Variants in TMEM202 observed in about 807,000 individuals in gnomAD.
TMEM202 encodes transmembrane protein 202.
TMEM202 carries 25 observed loss-of-function variants against 26.1 expected under a neutral mutation model. That is an observed-to-expected ratio of 0.96 (90% CI 0.70 to 1.34). TMEM202 has a LOEUF of 1.34. TMEM202 is among the 40% of genes most tolerant of loss of function. TMEM202 has a pLI of 0.00. For synonymous variants in TMEM202, 122 were observed against 119.0 expected (o/e 1.02, Z -0.16); for missense variants, 301 against 327.7 (o/e 0.92, Z 0.63).
At position 72,398,745 on chromosome 15, in the gene TMEM202, G is replaced by T. The variant is rs148667101; in HGVS notation, c.174G>T (p.Thr58=). The change falls in exon 2 of 5, where the codon ACG becomes ACT. Residue 58 remains threonine, a synonymous_variant. Transcript: ENST00000341689. The part of the protein sequence containing the change: ...LMDQAHIYIR[T]LCGSLCSFSL... ...ATCAGGCACACATCTACATCCGAAC[G>T]CTCTGTGGCAGCCTCTGTAGTTTTA... 1.2e-6 allele frequency: 2 copies of T among 1,614,004 alleles called. No homozygotes were observed. Among genetic ancestry groups the T allele is most frequent in the African/African-American group, 1.3e-5 (1 of 74,892 alleles).
At position 72,407,070 on chromosome 15, in the gene TMEM202, T is replaced by A; in HGVS notation, c.488-16T>A. On this transcript the variant is annotated splice_polypyrimidine_tract_variant and intron_variant, in intron 3 of 4. Coordinates refer to ENST00000341689, the MANE Select transcript of TMEM202 (RefSeq NM_001080462.3). The stretch of plus-strand genomic sequence containing the variant: ...AAGATGCTGATGGGTTGTGACATCT[T>A]TCCTTCTGGTCCTAGCTACCTGCTT... 1.9e-6 allele frequency: 3 copies of A among 1,611,040 alleles called. No individual in the cohort carries two copies. The highest frequency in any genetic ancestry group is 2.5e-6 in the Non-Finnish European group (3 of 1,179,350).
Position 72,398,672 on chromosome 15 carries a change from A to C in TMEM202, c.101A>C (p.Lys34Thr). The change falls in exon 2 of 5, where the codon AAA becomes ACA. Residue 34 changes from lysine (K) to threonine (T), a missense_variant. Physicochemically the swap from Lys to Thr is moderately conservative, Grantham distance 78. Coordinates refer to ENST00000341689, the MANE Select transcript of TMEM202 (RefSeq NM_001080462.3). Reference protein sequence around the residue: ...KYQRPTVPAKKHPSASMSCQR... With the variant: ...KYQRPTVPAKTHPSASMSCQR... ...TTGTAGCCTACCGTCCCTGCCAAGA[A>C]ACATCCAAGTGCCTCGATGTCATGC... The C allele has an allele frequency of 6.2e-7, 1 of 1,614,112 alleles. No individual in the cohort carries two copies. The highest frequency in any genetic ancestry group is 1.1e-5 in the South Asian group (1 of 91,080).
rs1433018270 is a variant in TMEM202, at chr15:72,406,648, C to CATA, written c.385_387dup (p.Ile129dup). On this transcript the variant is annotated inframe_insertion, in exon 3 of 5. Transcript: ENST00000341689. ...CCTTCTTTCTCATCTCTGTCTTTAC[C>CATA]ATACTTACTGGCCTTGGCTGGCTCT... The CATA allele has an allele frequency of 1.1e-5, 18 of 1,613,760 alleles. No individual in the cohort carries two copies. Among genetic ancestry groups the CATA allele is most frequent in the Non-Finnish European group, 1.4e-5 (17 of 1,179,874 alleles).
chr15:72,407,651 T>A, intron 4 of TMEM202, 40 bp from the exon 5 acceptor site: 1 of 1,578,872 alleles, frequency 6.3e-7, no homozygotes, highest in Non-Finnish European at 8.7e-7. Context: ...AAAAGACCAT[T>A]GCCTATTGAA....
In TMEM202 at chr15:72,398,921, G is replaced by A. The variant is rs375792076; in HGVS notation, c.337+13G>A. ...CCCAAGCCACCCTGTGAGTGCCACC[G>A]AATTAAATGCCACAGGCCCCACACA... On this transcript the variant is annotated intron_variant, in intron 2 of 4. Transcript: ENST00000341689. 33 of 1,595,670 alleles carry A rather than the reference G, an allele frequency of 2.1e-5. No homozygotes were observed. Among genetic ancestry groups the A allele is most frequent in the Non-Finnish European group, 2.7e-5 (31 of 1,166,512 alleles).
chr15:72,407,325 C>A lies in TMEM202; in HGVS notation c.619+108C>A, dbSNP rs16956908. On this transcript the variant is annotated intron_variant, in intron 4 of 4. Coordinates refer to ENST00000341689, the MANE Select transcript of TMEM202 (RefSeq NM_001080462.3). ...AAGCACTGACTGTTCCTTTTCAGAA[C>A]ACTGATACTTGGAGAGTCAGGGGGG... 4.6e-3 allele frequency: 6,047 copies of A among 1,305,340 alleles called. 192 individuals carry two copies. The Admixed American group carries it at 0.072, about 16-fold the overall frequency. 80.9% of individuals were successfully genotyped at this position (1,305,340 alleles called of 1,614,324 possible). A position where few individuals can be genotyped will look rare whatever the true frequency, so the allele number is the denominator to read the frequency against.
Position 72,398,669 on chromosome 15 carries a change from A to G in TMEM202, c.98A>G (p.Lys33Arg). 1 of 1,614,136 alleles carries G rather than the reference A, an allele frequency of 6.2e-7. No individual in the cohort carries two copies. ...TCCTTGTAGCCTACCGTCCCTGCCA[A>G]GAAACATCCAAGTGCCTCGATGTCA... The part of the protein sequence containing the change: ...RKYQRPTVPA[K>R]KHPSASMSCQ... The change falls in exon 2 of 5, where the codon AAG becomes AGG. Residue 33 changes from lysine to arginine, a missense_variant. By Grantham distance (26) the Lys-to-Arg change is conservative. Coordinates refer to ENST00000341689, the MANE Select transcript of TMEM202 (RefSeq NM_001080462.3).
chr15:72,400,905 G>T (rs1241845644), intron 2 of TMEM202, among the ~76,000 whole-genome samples: 1 of 152,174 alleles, frequency 6.6e-6, no homozygotes, highest in African/African-American at 2.4e-5. Context: ...GGGGAAAGAG[G>T]TGGGCAATTC....
At chr15:72,404,770 G>GGCTGTATAGTCCCT (rs1320164980) in intron 2 of TMEM202, among the ~76,000 whole-genome samples, 1 of 152,108 alleles carries the variant, frequency 6.6e-6, no homozygotes, top group Admixed American at 6.5e-5. Context: ...CTTAGTCCAG[G>GGCTGTATAGTCCCT]TAGCTATAGT....
rs748637337 is a variant in TMEM202, at chr15:72,407,169, T to C, written c.571T>C (p.Trp191Arg). 2.5e-6 allele frequency: 4 copies of C among 1,613,592 alleles called. No individual in the cohort carries two copies. The Admixed American group carries it at 6.7e-5, about 27-fold the overall frequency. ...GGATGCCATGGAGTCAGATCTCCTA[T>C]GGACCTATTATCTTAACTGGTGCAG... ...TRDAMESDLLWTYYLNWCSDI... is the reference protein window; with the variant it reads ...TRDAMESDLLRTYYLNWCSDI... Residue 191 changes from tryptophan (W) to arginine (R), a missense_variant, in exon 4 of 5, where the codon TGG (tryptophan) becomes CGG (arginine). Transcript: ENST00000341689.
chr15:72,399,494 A>C (rs2063538006), intron 2 of TMEM202, among the ~76,000 whole-genome samples: 1 of 152,200 alleles, frequency 6.6e-6, no homozygotes, highest in African/African-American at 2.4e-5. Flanking sequence ...TTGGTATTCT[A>C]ATGTGGCTTG....
intron 1 of TMEM202, 84 bp downstream of exon 1, chr15:72,398,491 A>T: frequency 7.0e-7 from 1 of 1,434,064 alleles, no homozygotes; most frequent in African/African-American, 1.4e-5. Flanking sequence ...CTAAAGACAG[A>T]AAAGATCACC....
At chr15:72,406,320 G>T (rs779304200) in intron 2 of TMEM202, among the ~76,000 whole-genome samples, 3 of 152,018 alleles carry the variant, frequency 2.0e-5, no homozygotes, top group Non-Finnish European at 2.9e-5. Context: ...ACTACTTTTA[G>T]AATTAGAATT....
chr15:72,403,283 C>T (rs1032110337), intron 2 of TMEM202, among the ~76,000 whole-genome samples: 1 of 152,138 alleles, frequency 6.6e-6, no homozygotes, highest in Non-Finnish European at 1.5e-5. Flanking sequence ...CTGACTGATG[C>T]TGGGCTGATC....
intron 2 of TMEM202, among the ~76,000 whole-genome samples, chr15:72,401,506 G>A (rs899281156): frequency 3.9e-5 from 6 of 152,120 alleles, no homozygotes; most frequent in Admixed American, 2.0e-4. Context: ...TTGAGCTACT[G>A]TACTCTAGCC....
chr15:72,407,132 C>G lies in TMEM202; in HGVS notation c.534C>G (p.His178Gln). The G allele has an allele frequency of 6.2e-7, 1 of 1,613,152 alleles. No individual in the cohort carries two copies. Among genetic ancestry groups the G allele is most frequent in the Non-Finnish European group, 8.5e-7 (1 of 1,179,780 alleles). Reference protein sequence around the residue: ...LCLNLFVAQVHWHTRDAMESD... With the variant: ...LCLNLFVAQVQWHTRDAMESD... ...TCAACCTGTTTGTGGCACAGGTTCA[C>G]TGGCATACTAGGGATGCCATGGAGT... is the stretch of plus-strand genomic sequence containing the variant. Residue 178 changes from histidine (H) to glutamine (Q), a missense_variant, in exon 4 of 5, where the codon CAC becomes CAG. Coordinates refer to ENST00000341689, the MANE Select transcript of TMEM202 (RefSeq NM_001080462.3).
At chr15:72,398,628 G>A (rs750825176) in intron 1 of TMEM202, 25 bp from the exon 2 acceptor site, 5 of 1,611,024 alleles carry the variant, frequency 3.1e-6, no homozygotes, top group Non-Finnish European at 4.2e-6. Context: ...CTTTCGGGTA[G>A]GCAATATTTC....
intron 3 of TMEM202, 55 bp downstream of exon 3, chr15:72,406,806 A>T: frequency 1.3e-6 from 2 of 1,577,320 alleles, no homozygotes; most frequent in Non-Finnish European, 1.7e-6. Flanking sequence ...CAAGGTAACA[A>T]ATTTTCTCTG....
intron 2 of TMEM202, among the ~76,000 whole-genome samples, chr15:72,403,115 G>A (rs915089866): frequency 3.3e-5 from 5 of 152,058 alleles, no homozygotes; most frequent in East Asian, 1.9e-4. Flanking sequence ...AGGAGATCCC[G>A]CCCATTATTT....
Sources: allele counts gnomAD v4.1 joint callset (sites outside exome capture counted in the v4.1 genomes callset), GRCh38; gene constraint gnomAD v4.1.1; transcripts MANE v1.5; gene names NCBI Gene and HGNC (gene_info 2026-07-23, HGNC 2026-07-21).